Variants in CAMK1D observed in about 807,000 individuals in gnomAD.
The protein encoded by CAMK1D is calcium/calmodulin-dependent protein kinase type 1D.
In CAMK1D, 9 loss-of-function variants were observed where a neutral mutation model predicts 47.7. The observed-to-expected ratio is 0.19, with a 90% CI of 0.11 to 0.33. The LOEUF (loss-of-function observed/expected upper bound fraction) is 0.33. Among genes scored for constraint, CAMK1D ranks in the 10% least tolerant of loss-of-function variants. The pLI, the probability that CAMK1D is intolerant of heterozygous loss-of-function variation, is 1.00. For missense variants in CAMK1D, 291 were observed against 488.7 expected (o/e 0.60, Z 3.81); for synonymous variants, 184 against 184.9 (o/e 0.99, Z 0.04).
At chr10:12,747,958 AAATGTT>A (rs1405032169) in intron 3 of CAMK1D, among the ~76,000 whole-genome samples, 2 of 152,184 alleles carry the variant, frequency 1.3e-5, no homozygotes, top group African/African-American at 2.4e-5. Context: ...CTACCGGTTT[AAATGTT>A]AATCTCATCC....
intron 1 of CAMK1D, among the ~76,000 whole-genome samples, chr10:12,371,521 A>G (rs1402698608): frequency 1.3e-5 from 2 of 149,568 alleles, no homozygotes; most frequent in Non-Finnish European, 3.0e-5. Flanking sequence ...GGTTGCAGTG[A>G]GCCGAGATCG....
At chr10:12,694,478 T>A (rs183534288) in intron 3 of CAMK1D, among the ~76,000 whole-genome samples, 79 of 91,718 alleles carry the variant, frequency 8.6e-4, no homozygotes, top group Admixed American at 8.4e-3. Context: ...ATATATAAAA[T>A]ATATATGATA....
chr10:12,618,199 C>G (rs1838882800), intron 2 of CAMK1D, among the ~76,000 whole-genome samples: 1 of 152,178 alleles, frequency 6.6e-6, no homozygotes, highest in Non-Finnish European at 1.5e-5. Flanking sequence ...TAGATATCCA[C>G]TATAATGGAC....
rs1478304153 is a variant in CAMK1D at position 12,829,569 on chromosome 10, T to A, written c.*682T>A. 6.6e-6 allele frequency: 1 copy of A among 151,948 alleles called. No individual in the cohort carries two copies. The highest frequency in any genetic ancestry group is 1.5e-5 in the Non-Finnish European group (1 of 67,994). The allele number at this position is 151,948 out of a possible 1,614,324, so 9.4% of individuals were successfully genotyped here. On this transcript the variant is annotated 3_prime_UTR_variant, in exon 11 of 11. Transcript: ENST00000619168. ...CAACATGGTGAAACCCCACGTCTAC[T>A]AAAAATACAAAAAATTAGCCGGGCG... is the stretch of plus-strand genomic sequence containing the variant.
intron 5 of CAMK1D, 105 bp from the exon 6 acceptor site, chr10:12,791,053 T>G: frequency 1.0e-6 from 1 of 963,852 alleles, no homozygotes; most frequent in Non-Finnish European, 1.6e-6. Context: ...TCTACTCAGT[T>G]TTTATACTCA....
intron 2 of CAMK1D, among the ~76,000 whole-genome samples, chr10:12,629,830 G>T (rs1200018900): frequency 6.6e-6 from 1 of 152,230 alleles, no homozygotes; most frequent in Non-Finnish European, 1.5e-5. Context: ...TGAGACCTTC[G>T]AGTGGGTCCT....
intron 1 of CAMK1D, among the ~76,000 whole-genome samples, chr10:12,368,536 A>G (rs1297695485): frequency 2.0e-5 from 3 of 152,282 alleles, no homozygotes; most frequent in African/African-American, 7.2e-5. Context: ...GAGTTACATC[A>G]TCTTTCTGAG....
At position 12,628,559 on chromosome 10, in the gene CAMK1D, A is replaced by G. The variant is rs377178442; in HGVS notation, c.225-38177A>G. ...TGAATTAGGGTGGTACATTTGTTAT[A>G]ATTGATAAGCCAATATTGGTATTGA... On this transcript the variant is annotated intron_variant, in intron 2 of 10. Transcript: ENST00000619168. 1.4e-4 allele frequency among the ~76,000 whole-genome samples: 21 copies of G among 152,330 alleles called. 2 individuals carry two copies. The highest frequency in any genetic ancestry group is 9.8e-4 in the Admixed American group (15 of 15,302).
At chr10:12,593,290 CTTAAAGGT>C (rs1269989060) in intron 2 of CAMK1D, among the ~76,000 whole-genome samples, 1 of 152,174 alleles carries the variant, frequency 6.6e-6, no homozygotes, top group Non-Finnish European at 1.5e-5. Flanking sequence ...ACTGAAGCTT[CTTAAAGGT>C]AAGACCCAAG....
chr10:12,804,788 A>AG (rs34850200), intron 6 of CAMK1D, among the ~76,000 whole-genome samples: 3 of 149,654 alleles, frequency 2.0e-5, no homozygotes, highest in African/African-American at 7.4e-5. Flanking sequence ...AAAAAAAAAA[A>AG]TTAGCCCAGT....
At chr10:12,529,675 C>T (rs1053244792) in intron 1 of CAMK1D, among the ~76,000 whole-genome samples, 1 of 152,168 alleles carries the variant, frequency 6.6e-6, no homozygotes, top group African/African-American at 2.4e-5. Flanking sequence ...GTCCCTTACT[C>T]CATGTACGGG....
intron 1 of CAMK1D, among the ~76,000 whole-genome samples, chr10:12,540,105 T>G (rs565573726): frequency 4.1e-4 from 62 of 151,954 alleles, no homozygotes; most frequent in African/African-American, 1.5e-3. Context: ...TTTTCTTTTT[T>G]TTTTGGAGAG....
chr10:12,726,393 C>A (rs539714943), intron 3 of CAMK1D, among the ~76,000 whole-genome samples: 1 of 151,956 alleles, frequency 6.6e-6, no homozygotes, highest in African/African-American at 2.4e-5. Context: ...CACTGGACTC[C>A]AGTCCAGACA....
intron 5 of CAMK1D, among the ~76,000 whole-genome samples, chr10:12,779,460 G>T (rs1173269232): frequency 6.6e-6 from 1 of 152,058 alleles, no homozygotes; most frequent in Admixed American, 6.6e-5. Flanking sequence ...AAGAGACAGG[G>T]TCTCTGTCCC....
chr10:12,654,944 G>A (rs1840078070), intron 2 of CAMK1D, among the ~76,000 whole-genome samples: 5 of 152,222 alleles, frequency 3.3e-5, no homozygotes, highest in South Asian at 4.1e-4. Context: ...CCTAGGCCAC[G>A]CCGCAGGCCA....
chr10:12,827,132 TC>T (rs1833238957), intron 10 of CAMK1D, among the ~76,000 whole-genome samples: 1 of 151,968 alleles, frequency 6.6e-6, no homozygotes, highest in Non-Finnish European at 1.5e-5. Context: ...CTTTTTGCTT[TC>T]CTTTCTTTTT....
chr10:12,774,380 C>T (rs1837180334), intron 5 of CAMK1D, among the ~76,000 whole-genome samples: 1 of 151,972 alleles, frequency 6.6e-6, no homozygotes, highest in Non-Finnish European at 1.5e-5. Context: ...GGAGGGCATT[C>T]CAGGCCCAGT....
intron 1 of CAMK1D, among the ~76,000 whole-genome samples, chr10:12,385,323 G>T (rs1335271912): frequency 6.6e-6 from 1 of 152,242 alleles, no homozygotes; most frequent in South Asian, 2.1e-4. Flanking sequence ...TGTTATTGAT[G>T]TAGCCAAAGA....
chr10:12,783,229 G>A (rs1406700215), intron 5 of CAMK1D, among the ~76,000 whole-genome samples: 1 of 152,172 alleles, frequency 6.6e-6, no homozygotes, highest in Non-Finnish European at 1.5e-5. Context: ...CTGACCTCAC[G>A]TGATCCGCCC....
Sources: gnomAD v4.1 joint callset for allele counts (sites outside exome capture counted in the v4.1 genomes callset) on GRCh38, gnomAD v4.1.1 for gene constraint, MANE v1.5 for transcripts, NCBI Gene and HGNC (gene_info 2026-07-23, HGNC 2026-07-21) for gene names.